The following TCF12 variants were observed in gnomAD, a reference collection of about 807,000 sequenced individuals.
The protein encoded by TCF12 is DNA-binding protein HTF4.
A neutral mutation model predicts 86.0 loss-of-function variants in TCF12; 45 were observed. That is an observed-to-expected ratio of 0.52 (90% confidence interval 0.41 to 0.67). The LOEUF (loss-of-function observed/expected upper bound fraction) is 0.67, where lower values mean the gene tolerates loss of function less well. Ranked by LOEUF, TCF12 falls within the 30% of genes least tolerant of loss-of-function variation. The pLI is 0.00. For synonymous variants in TCF12, 330 were observed against 299.6 expected, an observed-to-expected ratio of 1.10 and a Z score of -1.05; for missense variants, 881 against 859.9, an observed-to-expected ratio of 1.02 and a Z score of -0.31.
intron 8 of TCF12, among the ~76,000 whole-genome samples, chr15:57,203,509 C>G (rs1190948226): frequency 6.6e-6 from 1 of 152,050 alleles, no homozygotes; most frequent in Non-Finnish European, 1.5e-5. Context: ...ACCCAAATAC[C>G]TAAAGTTGTA....
chr15:57,287,986 C>T lies in TCF12; in HGVS notation c.*1841C>T, dbSNP rs954010113. The stretch of plus-strand genomic sequence containing the variant: ...GTCTTTTTCGCTATATTAGACTTTG[C>T]AGTATGCCCAGAAGCTTTCCTTCAT... On this transcript the variant is annotated 3_prime_UTR_variant, in exon 21 of 21. Coordinates refer to ENST00000333725, the MANE Select transcript of TCF12 (RefSeq NM_207037.2). The T allele has an allele frequency of 6.6e-6, 1 of 152,528 alleles. No homozygotes were observed. The highest frequency in any genetic ancestry group is 1.5e-5 in the Non-Finnish European group (1 of 68,020). The allele number at this position is 152,528 out of a possible 1,614,324, so 9.4% of individuals were successfully genotyped here.
chr15:57,266,086 A>ATTATTTAT (rs60211131), intron 18 of TCF12, among the ~76,000 whole-genome samples: 84 of 110,264 alleles, frequency 7.6e-4, no homozygotes, highest in South Asian at 4.6e-3. Context: ...TTTTGTTTTT[A>ATTATTTAT]TTATTTATTT....
chr15:57,172,465 A>G (rs1052682738), intron 6 of TCF12, among the ~76,000 whole-genome samples: 5 of 152,224 alleles, frequency 3.3e-5, no homozygotes, highest in Non-Finnish European at 5.9e-5. Context: ...ACATTACACT[A>G]ACAGGCTGGA....
chr15:57,195,468 G>A (rs1009126492), intron 7 of TCF12, among the ~76,000 whole-genome samples: 7 of 152,202 alleles, frequency 4.6e-5, no homozygotes, highest in Admixed American at 3.9e-4. Flanking sequence ...TTTTGTTCAA[G>A]GGAATGCTGT....
chr15:57,270,311 C>T (rs1346721699), intron 18 of TCF12, among the ~76,000 whole-genome samples: 1 of 152,142 alleles, frequency 6.6e-6, no homozygotes, highest in African/African-American at 2.4e-5. Context: ...TTAATTTGAT[C>T]TTCAATCACT....
At chr15:57,149,657 G>GT (rs1455600712) in intron 5 of TCF12, among the ~76,000 whole-genome samples, 1 of 152,162 alleles carries the variant, frequency 6.6e-6, no homozygotes, top group Non-Finnish European at 1.5e-5. Context: ...ATCTATTATG[G>GT]TAAAGTCTCG....
chr15:57,024,576 T>C (rs1188838910), intron 3 of TCF12, among the ~76,000 whole-genome samples: 1 of 152,152 alleles, frequency 6.6e-6, no homozygotes, highest in Admixed American at 6.5e-5. Context: ...GAGAGTAACA[T>C]AGTAAGACTG....
At chr15:57,015,240 A>G (rs563430537) in intron 3 of TCF12, among the ~76,000 whole-genome samples, 36 of 152,300 alleles carry the variant, frequency 2.4e-4, no homozygotes, top group Admixed American at 2.0e-3. Context: ...GTGAGCCAAG[A>G]TTGTGCCACT....
At chr15:57,169,830 TTTAG>T (rs2055180846) in intron 6 of TCF12, among the ~76,000 whole-genome samples, 1 of 152,248 alleles carries the variant, frequency 6.6e-6, no homozygotes, top group African/African-American at 2.4e-5. Context: ...GGTATTGCTG[TTTAG>T]TTAGAGTCAG....
intron 3 of TCF12, among the ~76,000 whole-genome samples, chr15:56,940,678 TTCTCCC>T (rs1211623097): frequency 4.2e-5 from 6 of 141,268 alleles, no homozygotes; most frequent in African/African-American, 1.3e-4. Flanking sequence ...CTCCCTCTCC[TTCTCCC>T]TCTCCCTCTC....
At chr15:57,050,642 C>T (rs1244439182) in intron 3 of TCF12, among the ~76,000 whole-genome samples, 1 of 152,082 alleles carries the variant, frequency 6.6e-6, no homozygotes, top group Non-Finnish European at 1.5e-5. Flanking sequence ...ACTTTTGGTA[C>T]TCTCATTACA....
chr15:57,234,464 C>G (rs140680360), intron 12 of TCF12, among the ~76,000 whole-genome samples: 97 of 152,206 alleles, frequency 6.4e-4, no homozygotes, highest in African/African-American at 2.2e-3. Context: ...TTATAAGAAA[C>G]TTTTCCAAGA....
At chr15:57,201,373 G>T (rs548276456) in intron 8 of TCF12, among the ~76,000 whole-genome samples, 1 of 152,272 alleles carries the variant, frequency 6.6e-6, no homozygotes, top group South Asian at 2.1e-4. Flanking sequence ...TTCAGGAAGA[G>T]TTGACATTTA....
In TCF12 at chr15:57,234,859, CTTG is replaced by C. The variant is rs575818191; in HGVS notation, c.1035+755_1035+757del. On this transcript the variant is annotated intron_variant, in intron 12 of 20. Coordinates refer to ENST00000333725, the MANE Select transcript of TCF12 (RefSeq NM_207037.2). ...TTCACTTTAGATGATTTTTTTTCTTCTTGTTTTCTGAGTAGTATGCCTCTTAGA... is the reference window on the plus strand; with the variant it reads ...TTCACTTTAGATGATTTTTTTTCTTCTTTTCTGAGTAGTATGCCTCTTAGA... Among the ~76,000 whole-genome samples the C allele has an allele frequency of 3.1e-3, 478 of 152,070 alleles. 8 individuals carry two copies. Among genetic ancestry groups the C allele is most frequent in the African/African-American group, 0.011 (455 of 41,490 alleles).
intron 3 of TCF12, among the ~76,000 whole-genome samples, chr15:57,059,741 T>TG (rs1211257142): frequency 4.5e-4 from 1 of 2,198 alleles, no homozygotes; most frequent in African/African-American, 1.8e-3. Flanking sequence ...GGTGGGGGGC[T>TG]GGGGGGAGGG....
intron 3 of TCF12, among the ~76,000 whole-genome samples, chr15:57,035,383 C>T (rs1452404135): frequency 1.3e-5 from 2 of 152,168 alleles, no homozygotes; most frequent in Non-Finnish European, 2.9e-5. Context: ...TTTGCATCAG[C>T]CTCTCAAGAA....
At chr15:56,964,003 G>A (rs1460597903) in intron 3 of TCF12, among the ~76,000 whole-genome samples, 2 of 152,202 alleles carry the variant, frequency 1.3e-5, no homozygotes, top group Non-Finnish European at 2.9e-5. Flanking sequence ...TAGACTAGCA[G>A]TCAAGGAAAA....
intron 13 of TCF12, among the ~76,000 whole-genome samples, chr15:57,245,535 T>A (rs888814107): frequency 1.3e-5 from 2 of 152,184 alleles, no homozygotes; most frequent in Non-Finnish European, 2.9e-5. Context: ...GCCTTGTCTG[T>A]GTAGTAAGAT....
At chr15:56,967,796 C>T (rs114674810) in intron 3 of TCF12, among the ~76,000 whole-genome samples, 1 of 151,964 alleles carries the variant, frequency 6.6e-6, no homozygotes, top group Non-Finnish European at 1.5e-5. Flanking sequence ...GCCATTGGAA[C>T]CTTTCTTATC....
Sources: allele counts gnomAD v4.1 joint callset (sites outside exome capture counted in the v4.1 genomes callset), GRCh38; gene constraint gnomAD v4.1.1; transcripts MANE v1.5; gene names NCBI Gene and HGNC (gene_info 2026-07-23, HGNC 2026-07-21).